The following C1orf159 variants were observed in gnomAD, a reference collection of about 807,000 sequenced individuals.
The protein encoded by C1orf159 is uncharacterized protein C1orf159.
C1orf159 carries 19 observed loss-of-function variants against 25.6 expected under a neutral mutation model. That is an observed-to-expected ratio of 0.74 (90% CI 0.52 to 1.09). C1orf159 has a LOEUF of 1.09. Among genes scored for constraint, C1orf159 ranks in the 50% least tolerant of loss-of-function variants. The probability of loss-of-function intolerance (pLI) is 0.00; values close to 1 mark genes in which losing one functional copy is unlikely to be tolerated. For missense variants in C1orf159, 274 were observed against 290.6 expected (o/e 0.94, Z 0.42); for synonymous variants, 139 against 124.7 (o/e 1.12, Z -0.77).
intron 1 of C1orf159, among the ~76,000 whole-genome samples, chr1:1,109,009 C>T (rs1371727770): frequency 1.8e-5 from 2 of 111,514 alleles, no homozygotes; most frequent in East Asian, 2.7e-4. Context: ...TCAGCAGCAC[C>T]GTCCACCACA....
rs35082223 is a variant in C1orf159, at chr1:1,111,365, CAAAAAAA to C, written c.-136+4688_-136+4694del. Among the ~76,000 whole-genome samples the C allele has an allele frequency of 6.3e-4, 69 of 109,094 alleles. 2 individuals are homozygous for C. In the East Asian group the frequency reaches 0.012, roughly 19 times the overall value. The allele number at this position is 109,094 out of a possible 152,430, so 71.6% of individuals were successfully genotyped here. ...CAACAGAGTGAGATCTCATCTCTAC[CAAAAAAA>C]AAAAAAAAAAAAAATAGCTGGGCTT... On this transcript the variant is annotated intron_variant, in intron 1 of 9. Transcript: ENST00000421241.
At position 1,082,531 on chromosome 1, in the gene C1orf159, C is replaced by T. The variant is rs1431252935; in HGVS notation, c.*362G>A. The T allele has an allele frequency of 9.7e-6, 3 of 307,948 alleles. No individual in the cohort carries two copies. The highest frequency in any genetic ancestry group is 6.8e-5 in the African/African-American group (3 of 44,386). The allele number at this position is 307,948 out of a possible 1,614,324, so 19.1% of individuals were successfully genotyped here. On this transcript the variant is annotated 3_prime_UTR_variant, in exon 10 of 10. Transcript: ENST00000421241. ...TCTGGAGGGCACGGCAGCAGAGCCC[C>T]TGGCTTTTCTAGGCAGAGCGGCACC...
chr1:1,083,653 G>T, intron 9 of C1orf159: 2 of 538,478 alleles, frequency 3.7e-6, no homozygotes, highest in Non-Finnish European at 6.6e-6. Flanking sequence ...AAGGTCTGCT[G>T]TTGAAGCTGG....
At chr1:1,084,883 G>A (rs992320168) in intron 7 of C1orf159, among the ~76,000 whole-genome samples, 21 of 152,130 alleles carry the variant, frequency 1.4e-4, no homozygotes, top group African/African-American at 4.3e-4. Context: ...CCCGGGAGGA[G>A]CCTCAGGCAC....
At chr1:1,108,931 CCAT>C (rs1414058744) in intron 1 of C1orf159, among the ~76,000 whole-genome samples, 2 of 112,548 alleles carry the variant, frequency 1.8e-5, no homozygotes, top group Non-Finnish European at 3.4e-5. Flanking sequence ...ACCACAGCCA[CCAT>C]GTCTCGGCAG....
At chr1:1,101,255 G>T (rs1027468903) in intron 1 of C1orf159, among the ~76,000 whole-genome samples, 4 of 152,160 alleles carry the variant, frequency 2.6e-5, no homozygotes, top group African/African-American at 9.6e-5. Context: ...AGGCCAAGTG[G>T]GTGGGTCACT....
At chr1:1,104,041 G>A (rs946809415) in intron 1 of C1orf159, among the ~76,000 whole-genome samples, 34 of 151,976 alleles carry the variant, frequency 2.2e-4, no homozygotes, top group African/African-American at 8.0e-4. Context: ...AGGCTGGAGT[G>A]CAGTGGCGCA....
intron 9 of C1orf159, 125 bp downstream of exon 9, chr1:1,084,228 G>A (rs756669224): frequency 6.6e-7 from 1 of 1,520,124 alleles, no homozygotes; most frequent in Admixed American, 2.2e-5. Flanking sequence ...GGTCTCCTGG[G>A]GACCCGGGCA....
intron 1 of C1orf159, among the ~76,000 whole-genome samples, chr1:1,098,767 A>G (rs1646046383): frequency 6.6e-6 from 1 of 152,036 alleles, no homozygotes; most frequent in African/African-American, 2.4e-5. Context: ...GCCCGCCACC[A>G]CGTCCAGCGA....
Position 1,110,075 on chromosome 1 carries a change from G to T in C1orf159, c.-136+5985C>A, listed in dbSNP as rs773200406. 2.0e-4 allele frequency among the ~76,000 whole-genome samples: 30 copies of T among 152,218 alleles called. No homozygotes were observed. Among genetic ancestry groups the T allele is most frequent in the South Asian group, 8.3e-4 (4 of 4,830 alleles). On this transcript the variant is annotated intron_variant, in intron 1 of 9. Transcript: ENST00000421241. This position sits in a 1 kb window ranked among gnomAD's most constrained non-coding sequence, Gnocchi z 4.8. ...CCAAGCCTTATTCTTTAACTGTAAGGGTGTGTGACTTAACCCCGGCCTGGC... is the reference window on the plus strand; with the variant it reads ...CCAAGCCTTATTCTTTAACTGTAAGTGTGTGTGACTTAACCCCGGCCTGGC...
chr1:1,111,015 A>C (rs1028324411), intron 1 of C1orf159, among the ~76,000 whole-genome samples: 2 of 152,252 alleles, frequency 1.3e-5, no homozygotes, highest in Admixed American at 1.3e-4. Flanking sequence ...AGTCTGGTGA[A>C]TCCTTTGTCA....
rs1645882615 is a variant in C1orf159 at position 1,089,037 on chromosome 1, A to T, written c.148+1316T>A. Reference sequence around the variant, plus strand: ...GAGGCCGAAGAACGGAGTCCACGGCAGGGAGCCAAACACCAGCGCAGCACT... The same window carrying T: ...GAGGCCGAAGAACGGAGTCCACGGCTGGGAGCCAAACACCAGCGCAGCACT... On this transcript the variant is annotated intron_variant, in intron 4 of 9. Transcript: ENST00000421241. This position sits in a 1 kb window ranked among gnomAD's most constrained non-coding sequence, Gnocchi z 7.5. 6.6e-6 allele frequency among the ~76,000 whole-genome samples: 1 copy of T among 152,236 alleles called. No homozygotes were observed. Among genetic ancestry groups the T allele is most frequent in the Admixed American group, 6.5e-5 (1 of 15,290 alleles).
intron 1 of C1orf159, among the ~76,000 whole-genome samples, chr1:1,102,478 AT>A (rs1346807867): frequency 6.6e-6 from 1 of 150,702 alleles, no homozygotes; most frequent in East Asian, 2.0e-4. Context: ...CATTCAGTGA[AT>A]TTTAAAATTT....
intron 1 of C1orf159, among the ~76,000 whole-genome samples, chr1:1,111,365 C>CAA (rs35082223): frequency 3.2e-4 from 35 of 109,088 alleles, no homozygotes; most frequent in African/African-American, 5.6e-4. Context: ...TCATCTCTAC[C>CAA]AAAAAAAAAA....
At chr1:1,107,215 C>T (rs974992868) in intron 1 of C1orf159, among the ~76,000 whole-genome samples, 1 of 152,264 alleles carries the variant, frequency 6.6e-6, no homozygotes, top group Non-Finnish European at 1.5e-5. Flanking sequence ...GCAAAGCCAG[C>T]TGGGCTCCTG....
chr1:1,085,726 C>A (rs958738350), intron 7 of C1orf159, among the ~76,000 whole-genome samples, 152 bp downstream of exon 7: 1 of 152,214 alleles, frequency 6.6e-6, no homozygotes, highest in Admixed American at 6.5e-5. Flanking sequence ...CTTCTCACAC[C>A]GGGACCCAAA....
At chr1:1,111,733 C>T (rs999271756) in intron 1 of C1orf159, among the ~76,000 whole-genome samples, 3 of 152,148 alleles carry the variant, frequency 2.0e-5, no homozygotes, top group South Asian at 2.1e-4. Context: ...GGTCCACTGG[C>T]GGGTTTCTCA....
At position 1,082,985 on chromosome 1, in the gene C1orf159, G is replaced by T. The variant is rs763525638; in HGVS notation, c.505C>A (p.Arg169=). Residue 169 remains arginine (R), a splice_region_variant and synonymous_variant, in exon 10 of 10, where the codon CGG becomes AGG. Transcript: ENST00000421241. ...TCCCGCCTGACGTAGCGCGGCTTCCGTACTGAAACGGGTCAGAGACAGGCG... is the reference window on the plus strand; with the variant it reads ...TCCCGCCTGACGTAGCGCGGCTTCCTTACTGAAACGGGTCAGAGACAGGCG... ...AMIPPPQSSV[R]KPRYVRRERP... The T allele has an allele frequency of 1.3e-6, 2 of 1,594,090 alleles. No individual in the cohort carries two copies. The highest frequency in any genetic ancestry group is 1.7e-6 in the Non-Finnish European group (2 of 1,170,552).
chr1:1,107,885 GAC>G (rs757073564), intron 1 of C1orf159, among the ~76,000 whole-genome samples: 3 of 152,212 alleles, frequency 2.0e-5, no homozygotes, highest in Non-Finnish European at 2.9e-5. Context: ...AAGCCAGTGA[GAC>G]CACGAACCCA....
Sources: gnomAD v4.1 joint callset for allele counts (sites outside exome capture counted in the v4.1 genomes callset) on GRCh38, gnomAD v4.1.1 for gene constraint, Gnocchi (gnomAD v3.1) non-coding constraint, MANE v1.5 for transcripts, NCBI Gene and HGNC (gene_info 2026-07-23, HGNC 2026-07-21) for gene names.